Variants in VSTM4 observed in about 807,000 individuals in gnomAD.
The protein encoded by VSTM4 is V-set and transmembrane domain-containing protein 4.
Under a neutral mutation model 36.4 loss-of-function variants are expected in VSTM4, and 20 were observed. The observed-to-expected ratio is 0.55, with a 90% CI of 0.39 to 0.80. The LOEUF is 0.80. Among genes scored for constraint, VSTM4 ranks in the 30% least tolerant of loss-of-function variants. The pLI is 0.00. For missense variants in VSTM4, 392 were observed against 404.5 expected (o/e 0.97, Z 0.26); for synonymous variants, 182 against 173.9 (o/e 1.05, Z -0.37).
intron 2 of VSTM4, among the ~76,000 whole-genome samples, chr10:49,090,871 C>T (rs575143460): frequency 3.3e-4 from 50 of 152,246 alleles, no homozygotes; most frequent in African/African-American, 1.1e-3. Context: ...CGGAGCCCCA[C>T]CTGTGACCAC....
chr10:49,094,036 G>A (rs1392105521), intron 2 of VSTM4, among the ~76,000 whole-genome samples: 3 of 152,146 alleles, frequency 2.0e-5, no homozygotes, highest in Non-Finnish European at 2.9e-5. Context: ...CGTTAGCCAC[G>A]GTGCCCGGCC....
chr10:49,073,930 C>G (rs567149808), intron 4 of VSTM4, among the ~76,000 whole-genome samples: 1 of 152,194 alleles, frequency 6.6e-6, no homozygotes, highest in Non-Finnish European at 1.5e-5. Flanking sequence ...AAAGGGTGTG[C>G]AAATTGGCTG....
rs1843095847 is a variant in VSTM4 at position 49,015,698 on chromosome 10, A to G, written c.*3952T>C. The G allele has an allele frequency of 6.6e-6, 1 of 152,280 alleles. No homozygotes were observed. The highest frequency in any genetic ancestry group is 6.5e-5 in the Admixed American group (1 of 15,284). The allele number at this position is 152,280 out of a possible 1,614,324, so 9.4% of individuals were successfully genotyped here. On this transcript the variant is annotated 3_prime_UTR_variant, in exon 8 of 8. Coordinates refer to ENST00000332853, the MANE Select transcript of VSTM4 (RefSeq NM_001031746.5). ...CACTTTTTAATGGGCTCCAAATGAC[A>G]CAGAGCTGGGTCACCTGGGTCTCAC...
intron 2 of VSTM4, among the ~76,000 whole-genome samples, chr10:49,098,245 C>T (rs1844608518): frequency 6.6e-6 from 1 of 152,198 alleles, no homozygotes; most frequent in Admixed American, 6.5e-5. Context: ...AGCCTTGGGG[C>T]TGGGCAGGGC....
rs147071173 is a variant in VSTM4 at position 49,081,396 on chromosome 10, A to G, written c.527-4070T>C. On this transcript the variant is annotated intron_variant, in intron 3 of 7. Transcript: ENST00000332853. ...GAAAAATTGTCTTACAAAAGCTTCC[A>G]TGCCCATGGAGCACAGCAGCTGATC... Among the ~76,000 whole-genome samples the G allele has an allele frequency of 8.4e-3, 1,276 of 152,322 alleles. 18 individuals carry two copies. The highest frequency in any genetic ancestry group is 0.013 in the Non-Finnish European group (866 of 68,028).
At chr10:49,032,213 C>T (rs901544593) in intron 7 of VSTM4, among the ~76,000 whole-genome samples, 1 of 152,180 alleles carries the variant, frequency 6.6e-6, no homozygotes, top group Non-Finnish European at 1.5e-5. Context: ...GGAAGTTACC[C>T]TTATTATAGT....
At chr10:49,044,155 C>T (rs1370086513) in intron 7 of VSTM4, among the ~76,000 whole-genome samples, 1 of 152,032 alleles carries the variant, frequency 6.6e-6, no homozygotes, top group African/African-American at 2.4e-5. Flanking sequence ...TGGTGAAACC[C>T]CAACTCTACT....
intron 7 of VSTM4, among the ~76,000 whole-genome samples, chr10:49,024,436 T>C (rs1453403686): frequency 2.6e-5 from 4 of 152,100 alleles, no homozygotes; most frequent in African/African-American, 9.7e-5. Context: ...CTTCTAACTC[T>C]CAGATCAATG....
At chr10:49,060,907 C>T (rs1327386507) in intron 5 of VSTM4, among the ~76,000 whole-genome samples, 3 of 152,190 alleles carry the variant, frequency 2.0e-5, no homozygotes, top group East Asian at 3.8e-4. Flanking sequence ...CCAGCACTGT[C>T]TGTCAAAAGG....
intron 7 of VSTM4, among the ~76,000 whole-genome samples, chr10:49,038,772 G>A (rs964632618): frequency 5.3e-5 from 8 of 152,062 alleles, no homozygotes; most frequent in Non-Finnish European, 1.2e-4. Flanking sequence ...CAGTCAGAAG[G>A]GTTGTTCTGA....
intron 2 of VSTM4, among the ~76,000 whole-genome samples, chr10:49,087,412 T>G (rs574649998): frequency 6.6e-6 from 1 of 152,216 alleles, no homozygotes; most frequent in Non-Finnish European, 1.5e-5. Context: ...GAATGCCTGA[T>G]AACTTTTTTC....
chr10:49,103,864 T>C, intron 2 of VSTM4: 3 of 1,613,282 alleles, frequency 1.9e-6, no homozygotes, highest in African/African-American at 1.3e-5. Context: ...GAGACTCCTG[T>C]TGAAAGGAGG....
intron 2 of VSTM4, among the ~76,000 whole-genome samples, chr10:49,106,037 G>A (rs1298838254): frequency 6.6e-6 from 1 of 152,086 alleles, no homozygotes; most frequent in Non-Finnish European, 1.5e-5. Flanking sequence ...TTTGCTTAAG[G>A]AGAAAAATTG....
chr10:49,093,742 C>CTTTTTTT (rs35299738), intron 2 of VSTM4, among the ~76,000 whole-genome samples: 7 of 103,662 alleles, frequency 6.8e-5, no homozygotes, highest in Non-Finnish European at 9.4e-5. Flanking sequence ...CATAGTTACT[C>CTTTTTTT]TTTTTTTTTT....
intron 4 of VSTM4, among the ~76,000 whole-genome samples, chr10:49,066,314 T>C (rs1315036716): frequency 6.6e-6 from 1 of 152,222 alleles, no homozygotes; most frequent in Non-Finnish European, 1.5e-5. Context: ...CTAATATCTG[T>C]GTCAATAAAG....
chr10:49,051,505 C>T (rs1843698019), intron 5 of VSTM4, among the ~76,000 whole-genome samples: 1 of 151,702 alleles, frequency 6.6e-6, no homozygotes, highest in Non-Finnish European at 1.5e-5. Flanking sequence ...AAGCGATTCT[C>T]CTGCCTCAGC....
chr10:49,083,788 A>T (rs545180252), intron 3 of VSTM4, among the ~76,000 whole-genome samples: 1 of 152,358 alleles, frequency 6.6e-6, no homozygotes, highest in South Asian at 2.1e-4. Context: ...TAAATGCCAC[A>T]ATCTTTCCAA....
intron 2 of VSTM4, among the ~76,000 whole-genome samples, chr10:49,099,944 A>G (rs1412798213): frequency 6.6e-6 from 1 of 152,220 alleles, no homozygotes; most frequent in African/African-American, 2.4e-5. Flanking sequence ...TGAACCCAGG[A>G]GGAGGCAGTT....
chr10:49,044,700 C>A (rs1463791194), intron 7 of VSTM4, among the ~76,000 whole-genome samples: 1 of 152,184 alleles, frequency 6.6e-6, no homozygotes, highest in Non-Finnish European at 1.5e-5. Context: ...AATAGAAGTT[C>A]TAAATGTTAA....
Sources: allele counts gnomAD v4.1 joint callset (sites outside exome capture counted in the v4.1 genomes callset), GRCh38; gene constraint gnomAD v4.1.1; transcripts MANE v1.5; gene names NCBI Gene and HGNC (gene_info 2026-07-23, HGNC 2026-07-21).